Variants in LRP12 observed in about 807,000 individuals in gnomAD.
LRP12 encodes the protein LDL receptor related protein 12.
A neutral mutation model predicts 66.0 loss-of-function variants in LRP12; 14 were observed. The ratio of observed to expected loss-of-function variants is 0.21; its 90% CI spans 0.14 to 0.33. The LOEUF is 0.33. Ranked by LOEUF, LRP12 falls within the 10% of genes least tolerant of loss-of-function variation. The pLI is 1.00. For missense variants in LRP12, 889 were observed against 1,053.4 expected (o/e 0.84, Z 2.16); for synonymous variants, 357 against 359.1 (o/e 0.99, Z 0.07).
At position 104,531,892 on chromosome 8, in the gene LRP12, CA is replaced by C. The variant is rs762820858; in HGVS notation, c.136+14del. 1 of 1,554,226 alleles carries C rather than the reference CA, an allele frequency of 6.4e-7. No individual in the cohort carries two copies. The highest frequency in any genetic ancestry group is 8.8e-7 in the Non-Finnish European group (1 of 1,141,928). ...AGTCATGCATGAAATTTAAACATTA[CA>C]AAAAATGACTTACCAGTTGACACTC... On this transcript the variant is annotated intron_variant, in intron 2 of 6. Transcript: ENST00000276654.
In LRP12 at chr8:104,511,798, C is replaced by T. The variant is rs116763726; in HGVS notation, c.137-2724G>A. On this transcript the variant is annotated intron_variant, in intron 2 of 6. Coordinates refer to ENST00000276654, the MANE Select transcript of LRP12 (RefSeq NM_013437.5). ...GGAATTAGGGTGCACTGCCAAAGGG[C>T]ATCTGTTTTGAATCGCTTTCAGAAC... Among the ~76,000 whole-genome samples, 1,190 of 152,172 alleles carry T rather than the reference C, an allele frequency of 7.8e-3. 15 individuals carry two copies. Among genetic ancestry groups the T allele is most frequent in the African/African-American group, 0.028 (1,152 of 41,498 alleles).
intron 1 of LRP12, among the ~76,000 whole-genome samples, chr8:104,554,463 A>T (rs894644550): frequency 8.5e-5 from 13 of 152,154 alleles, no homozygotes; most frequent in African/African-American, 2.7e-4. Context: ...TGAAGGGCAC[A>T]CTTAGAGAAA....
chr8:104,541,712 T>C (rs1344427382), intron 1 of LRP12, among the ~76,000 whole-genome samples: 1 of 152,176 alleles, frequency 6.6e-6, no homozygotes, highest in African/African-American at 2.4e-5. Context: ...TTTCTGTCTG[T>C]ATGGATTTGC....
At chr8:104,525,908 G>A (rs901602707) in intron 2 of LRP12, among the ~76,000 whole-genome samples, 3 of 152,136 alleles carry the variant, frequency 2.0e-5, no homozygotes, top group African/African-American at 7.2e-5. Flanking sequence ...GTTTGCAGAC[G>A]ACATGATTGT....
At chr8:104,520,808 G>C (rs1278386973) in intron 2 of LRP12, among the ~76,000 whole-genome samples, 1 of 151,980 alleles carries the variant, frequency 6.6e-6, no homozygotes, top group East Asian at 1.9e-4. Context: ...TTCATGCCTT[G>C]GCAAAAATTA....
chr8:104,540,922 C>CG (rs1384013714), intron 1 of LRP12, among the ~76,000 whole-genome samples: 1 of 151,954 alleles, frequency 6.6e-6, no homozygotes, highest in Non-Finnish European at 1.5e-5. Flanking sequence ...TTAGTAGAGA[C>CG]GGGGTTTCAC....
At chr8:104,539,558 G>T (rs1469954450) in intron 1 of LRP12, among the ~76,000 whole-genome samples, 1 of 151,586 alleles carries the variant, frequency 6.6e-6, no homozygotes, top group Non-Finnish European at 1.5e-5. Flanking sequence ...TTTGAGATTT[G>T]TACAAATGAC....
chr8:104,548,160 T>TAATATA (rs1465502576), intron 1 of LRP12, among the ~76,000 whole-genome samples: 10 of 57,286 alleles, frequency 1.7e-4, no homozygotes, highest in African/African-American at 8.6e-4. Flanking sequence ...ATATTAATAA[T>TAATATA]TATTATATAT....
chr8:104,547,388 T>C (rs1241291644), intron 1 of LRP12, among the ~76,000 whole-genome samples: 3 of 136,052 alleles, frequency 2.2e-5, no homozygotes, highest in Non-Finnish European at 4.6e-5. Flanking sequence ...TTATATTTTG[T>C]ATATAATATA....
At chr8:104,548,600 A>AATTATATAATTAAATTAATTATATAATC (rs1564142478) in intron 1 of LRP12, among the ~76,000 whole-genome samples, 2 of 112,866 alleles carry the variant, frequency 1.8e-5, no homozygotes, top group African/African-American at 3.7e-5. Context: ...TATAATATAG[A>AATTATATAATTAAATTAATTATATAATC]ATTATATAAT....
In LRP12 at chr8:104,493,672, A is replaced by C. The variant is rs959060473; in HGVS notation, c.1713+1405T>G. Among the ~76,000 whole-genome samples the C allele has an allele frequency of 5.3e-4, 80 of 152,224 alleles. 1 individual carries two copies. Among genetic ancestry groups the C allele is most frequent in the African/African-American group, 1.8e-3 (76 of 41,464 alleles). On this transcript the variant is annotated intron_variant, in intron 6 of 6. Transcript: ENST00000276654. Reference sequence around the variant, plus strand: ...TCAGTCAATCTCTGGATAAGGCTAGAAACTGGGATTGGCCACATGTGCAAT... The same window carrying C: ...TCAGTCAATCTCTGGATAAGGCTAGCAACTGGGATTGGCCACATGTGCAAT...
At chr8:104,500,564 A>C (rs1410471562) in intron 3 of LRP12, among the ~76,000 whole-genome samples, 1 of 152,156 alleles carries the variant, frequency 6.6e-6, no homozygotes, top group Non-Finnish European at 1.5e-5. Flanking sequence ...TTAGCCGGGC[A>C]TGATGGTATG....
At chr8:104,548,614 A>G (rs1459253903) in intron 1 of LRP12, among the ~76,000 whole-genome samples, 2 of 110,346 alleles carry the variant, frequency 1.8e-5, no homozygotes, top group African/African-American at 8.4e-5. Flanking sequence ...ATATAATTAA[A>G]TTAATTATAT....
intron 1 of LRP12, among the ~76,000 whole-genome samples, chr8:104,547,585 T>TA (rs1254895416): frequency 1.3e-4 from 16 of 119,418 alleles, no homozygotes; most frequent in Non-Finnish European, 9.6e-5. Flanking sequence ...TATATATTAA[T>TA]ATATAATATA....
intron 1 of LRP12, among the ~76,000 whole-genome samples, chr8:104,560,820 GATTTC>G (rs1291149297): frequency 3.9e-5 from 6 of 152,098 alleles, no homozygotes; most frequent in Non-Finnish European, 5.9e-5. Context: ...ACAGTCTCGA[GATTTC>G]ATTTGGTTGT....
At chr8:104,570,851 G>C (rs1413023320) in intron 1 of LRP12, among the ~76,000 whole-genome samples, 2 of 151,896 alleles carry the variant, frequency 1.3e-5, no homozygotes, top group East Asian at 1.9e-4. Flanking sequence ...ATTCAGAGGG[G>C]GGAAAAATAT....
chr8:104,574,615 C>T (rs1465170313), intron 1 of LRP12, among the ~76,000 whole-genome samples: 6 of 152,082 alleles, frequency 3.9e-5, no homozygotes, highest in Non-Finnish European at 1.5e-5. Context: ...ACACTGTTTT[C>T]CAAGTGGCTT....
At chr8:104,514,446 C>T (rs1011844039) in intron 2 of LRP12, among the ~76,000 whole-genome samples, 2 of 151,476 alleles carry the variant, frequency 1.3e-5, no homozygotes, top group Admixed American at 6.6e-5. Flanking sequence ...TGGTGACTCA[C>T]GCATGTAATC....
intron 1 of LRP12, among the ~76,000 whole-genome samples, chr8:104,564,765 T>C (rs1317744423): frequency 2.0e-5 from 3 of 151,838 alleles, no homozygotes; most frequent in Non-Finnish European, 4.4e-5. Context: ...ACCCTATCTC[T>C]ACCAAAAAAA....
Sources: allele counts gnomAD v4.1 joint callset (sites outside exome capture counted in the v4.1 genomes callset), GRCh38; gene constraint gnomAD v4.1.1; transcripts MANE v1.5; gene names NCBI Gene and HGNC (gene_info 2026-07-23, HGNC 2026-07-21).